Variants in EYS observed in about 807,000 individuals in gnomAD.
The protein encoded by EYS is protein eyes shut homolog.
Under a neutral mutation model 282.1 loss-of-function variants are expected in EYS, and 250 were observed. The observed-to-expected ratio is 0.89, with a 90% CI of 0.80 to 0.98. EYS has a LOEUF of 0.98. Among genes scored for constraint, EYS ranks in the 50% least tolerant of loss-of-function variants. The pLI is 0.00. For missense variants in EYS, 4,016 were observed against 3,709.0 expected, an observed-to-expected ratio of 1.08 and a Z score of -2.15; for synonymous variants, 1,355 against 1,282.9, an observed-to-expected ratio of 1.06 and a Z score of -1.20.
At chr6:64,951,395 C>A (rs1003840796) in intron 14 of EYS, among the ~76,000 whole-genome samples, 1 of 151,782 alleles carries the variant, frequency 6.6e-6, no homozygotes, top group African/African-American at 2.4e-5. Context: ...TTCTGTCTGC[C>A]AGAAAAATAA....
At chr6:65,052,360 C>T (rs1773297524) in intron 13 of EYS, among the ~76,000 whole-genome samples, 1 of 151,412 alleles carries the variant, frequency 6.6e-6, no homozygotes, top group Non-Finnish European at 1.5e-5. Context: ...ACACTCAAAA[C>T]ATAAAATCCC....
At chr6:64,778,515 G>A (rs750242622) in intron 22 of EYS, among the ~76,000 whole-genome samples, 3 of 152,146 alleles carry the variant, frequency 2.0e-5, no homozygotes, top group Non-Finnish European at 4.4e-5. Flanking sequence ...ATACAACTAA[G>A]AGAGCTTCTT....
chr6:65,681,423 T>C (rs1330181619), intron 1 of EYS, among the ~76,000 whole-genome samples: 1 of 152,032 alleles, frequency 6.6e-6, no homozygotes, highest in African/African-American at 2.4e-5. Flanking sequence ...AAGAAAAATT[T>C]AAGTGAAATT....
chr6:65,029,836 G>T (rs1772540624), intron 13 of EYS, among the ~76,000 whole-genome samples: 1 of 152,140 alleles, frequency 6.6e-6, no homozygotes, highest in African/African-American at 2.4e-5. Context: ...GCTGAATGGG[G>T]AGCAATCTGG....
At chr6:64,166,720 G>A (rs1764300963) in intron 31 of EYS, among the ~76,000 whole-genome samples, 1 of 152,168 alleles carries the variant, frequency 6.6e-6, no homozygotes, top group Admixed American at 6.5e-5. Flanking sequence ...AAATGTTTAT[G>A]TTCTTTCATT....
At chr6:64,086,826 G>A (rs77279322) in intron 31 of EYS, among the ~76,000 whole-genome samples, 14,752 of 152,122 alleles carry the variant, frequency 0.097, 1,285 homozygotes, top group African/African-American at 0.23. Flanking sequence ...TTCTAAGAAG[G>A]CACTGGGGAA....
intron 30 of EYS, among the ~76,000 whole-genome samples, chr6:64,235,799 A>C (rs1766585800): frequency 6.6e-6 from 1 of 152,188 alleles, no homozygotes; most frequent in Admixed American, 6.5e-5. Context: ...TGAATAGACC[A>C]ATAACAGGCT....
intron 12 of EYS, among the ~76,000 whole-genome samples, chr6:65,291,073 G>A (rs1248663395): frequency 6.6e-6 from 1 of 151,364 alleles, no homozygotes; most frequent in Admixed American, 6.6e-5. Context: ...ATTTGCAGAT[G>A]TAATTCTCTC....
intron 2 of EYS, among the ~76,000 whole-genome samples, chr6:65,549,455 T>G (rs1444406510): frequency 1.3e-5 from 2 of 152,088 alleles, no homozygotes; most frequent in Admixed American, 1.3e-4. Context: ...TAAATAAAAT[T>G]TTATGAGACT....
intron 2 of EYS, among the ~76,000 whole-genome samples, chr6:65,631,691 G>C (rs1223382769): frequency 6.6e-6 from 1 of 152,110 alleles, no homozygotes; most frequent in Non-Finnish European, 1.5e-5. Flanking sequence ...TCCATAGAGG[G>C]AGAATAAATT....
intron 29 of EYS, among the ~76,000 whole-genome samples, chr6:64,364,823 G>GTGTACAAT (rs1772134788): frequency 1.3e-5 from 2 of 151,750 alleles, no homozygotes; most frequent in Non-Finnish European, 2.9e-5. Context: ...TTGGGTGATA[G>GTGTACAAT]GTACACTAAA....
chr6:65,153,584 A>T (rs1183421037), intron 12 of EYS, among the ~76,000 whole-genome samples: 1 of 151,742 alleles, frequency 6.6e-6, no homozygotes, highest in Non-Finnish European at 1.5e-5. Flanking sequence ...TTTTCTTATA[A>T]ACGTTATGCT....
chr6:64,585,617 TA>T (rs1407374058), intron 26 of EYS, among the ~76,000 whole-genome samples: 1 of 152,124 alleles, frequency 6.6e-6, no homozygotes, highest in Admixed American at 6.6e-5. Flanking sequence ...AATCTTTCTC[TA>T]TGGACTCACA....
At chr6:63,805,070 CTGAT>C (rs1462705009) in intron 37 of EYS, among the ~76,000 whole-genome samples, 1 of 152,020 alleles carries the variant, frequency 6.6e-6, no homozygotes, top group African/African-American at 2.4e-5. Flanking sequence ...GAGACAGTCA[CTGAT>C]TGAGTTGAAA....
chr6:64,119,025 A>G (rs1188754368), intron 31 of EYS, among the ~76,000 whole-genome samples: 1 of 152,142 alleles, frequency 6.6e-6, no homozygotes, highest in African/African-American at 2.4e-5. Flanking sequence ...AATGACTACT[A>G]ACAAAAAGAT....
At chr6:64,583,915 T>G (rs1322799239) in intron 26 of EYS, among the ~76,000 whole-genome samples, 1 of 152,152 alleles carries the variant, frequency 6.6e-6, no homozygotes, top group Admixed American at 6.6e-5. Context: ...ATTAAAAATA[T>G]GTAGATGGCA....
chr6:65,613,360 T>G, intron 2 of EYS, among the ~76,000 whole-genome samples: 1 of 151,858 alleles, frequency 6.6e-6, no homozygotes, highest in East Asian at 1.9e-4. Flanking sequence ...ATGAATATTC[T>G]TCAAGCAATC....
chr6:65,552,690 T>A (rs114253434), intron 2 of EYS, among the ~76,000 whole-genome samples: 1 of 152,252 alleles, frequency 6.6e-6, no homozygotes, highest in Admixed American at 6.5e-5. Flanking sequence ...GATAAGATGT[T>A]TATGTGTCAT....
rs1318361468 is a variant in EYS at position 64,941,838 on chromosome 6, ATT to A, written c.2381+3953_2381+3954del. On this transcript the variant is annotated intron_variant, in intron 15 of 42. Transcript: ENST00000503581. ...GTAGTCCATGGTGTATATGAACCAC[ATT>A]TTCTTTATGCAATCCCATGTTGATG... is the stretch of plus-strand genomic sequence containing the variant. Among the ~76,000 whole-genome samples the A allele has an allele frequency of 2.0e-5, 3 of 152,180 alleles. No individual in the cohort carries two copies. In the East Asian group the frequency reaches 5.8e-4, roughly 30 times the overall value.
Sources: gnomAD v4.1 joint callset for allele counts (sites outside exome capture counted in the v4.1 genomes callset) on GRCh38, gnomAD v4.1.1 for gene constraint, MANE v1.5 for transcripts, NCBI Gene and HGNC (gene_info 2026-07-23, HGNC 2026-07-21) for gene names.